NDST4: variants seen among roughly 807,000 people sequenced by gnomAD.
The protein encoded by NDST4 is N-deacetylase and N-sulfotransferase 4.
A neutral mutation model predicts 100.8 loss-of-function variants in NDST4; 63 were observed. The ratio of observed to expected loss-of-function variants is 0.62; its 90% CI spans 0.51 to 0.77. The LOEUF (loss-of-function observed/expected upper bound fraction) is 0.77, where lower values mean the gene tolerates loss of function less well. Ranked by LOEUF, NDST4 falls within the 30% of genes least tolerant of loss-of-function variation. The pLI is 0.00. For missense variants in NDST4, 943 were observed against 1,018.4 expected (o/e 0.93, Z 1.01); for synonymous variants, 377 against 361.8 (o/e 1.04, Z -0.48).
At chr4:114,955,466 G>A (rs536001289) in intron 4 of NDST4, among the ~76,000 whole-genome samples, 1 of 152,298 alleles carries the variant, frequency 6.6e-6, no homozygotes, top group South Asian at 2.1e-4. Flanking sequence ...AGGGCTTTGA[G>A]ACAAAATGTG....
rs1729197448 is a variant in NDST4, at chr4:115,076,852, G to A, written c.185C>T (p.Ser62Leu). The A allele has an allele frequency of 6.2e-7, 1 of 1,613,622 alleles. No individual in the cohort carries two copies. Among genetic ancestry groups the A allele is most frequent in the South Asian group, 1.1e-5 (1 of 91,046 alleles). ...CTDIKILPYR[S>L]MELKTVKPID... ...AGGTTTAACTGTTTTCAGCTCCATT[G>A]ACCTATATGGTAGAATTTTGATGTC... The change falls in exon 2 of 14, where the codon TCA (serine) becomes TTA (leucine). Residue 62 changes from serine (S) to leucine (L), a missense_variant. This residue lies in a region of NDST4 where 417 missense variants were observed against 384.2 expected (regional missense o/e 1.09). Transcript: ENST00000264363.
At position 114,937,536 on chromosome 4, in the gene NDST4, A is replaced by G. The variant is rs781445753; in HGVS notation, c.1222-33T>C. ...AAAGCCAGAACAACATCATGATGGG[A>G]CAAGGCCAATTAATTCAGTGAAAAT... On this transcript the variant is annotated intron_variant, in intron 4 of 13. Transcript: ENST00000264363. 1.1e-5 allele frequency: 17 copies of G among 1,488,088 alleles called. No individual in the cohort carries two copies. In the Admixed American group the frequency reaches 3.6e-4, roughly 32 times the overall value. The allele number at this position is 1,488,088 out of a possible 1,614,324, so 92.2% of individuals were successfully genotyped here.
intron 2 of NDST4, among the ~76,000 whole-genome samples, chr4:114,982,014 G>A (rs1286307488): frequency 6.6e-6 from 1 of 152,072 alleles, no homozygotes; most frequent in East Asian, 1.9e-4. Flanking sequence ...CAAAGTGTGT[G>A]GCACTTCCCC....
chr4:114,845,925 G>C lies in NDST4; in HGVS notation c.2013C>G (p.Phe671Leu), dbSNP rs1302959897. 6.2e-7 allele frequency: 1 copy of C among 1,613,986 alleles called. No individual in the cohort carries two copies. Among genetic ancestry groups the C allele is most frequent in the African/African-American group, 1.3e-5 (1 of 75,040 alleles). ...DFLFEKSANY[F>L]HSEEAPRRAA... is the part of the protein sequence containing the mutation. ...CTCGTCTTGGAGCTTCTTCCGAATG[G>C]AAGTAATTAGCACTCTTTTCAAACA... is the stretch of plus-strand genomic sequence containing the variant. The change falls in exon 10 of 14, where the codon TTC becomes TTG. Residue 671 changes from phenylalanine to leucine, a missense_variant. Coordinates refer to ENST00000264363, the MANE Select transcript of NDST4 (RefSeq NM_022569.3).
intron 2 of NDST4, among the ~76,000 whole-genome samples, chr4:115,052,189 A>G (rs1475966629): frequency 6.6e-6 from 1 of 152,176 alleles, no homozygotes; most frequent in Non-Finnish European, 1.5e-5. Context: ...ATTTACATAA[A>G]TTCAAACAGA....
At chr4:114,834,400 G>C (rs1025902417) in intron 11 of NDST4, among the ~76,000 whole-genome samples, 1 of 151,376 alleles carries the variant, frequency 6.6e-6, no homozygotes, top group Non-Finnish European at 1.5e-5. Context: ...TGTAGTCCCA[G>C]CTACATGGGA....
At chr4:114,900,354 CT>C (rs1392495088) in intron 6 of NDST4, among the ~76,000 whole-genome samples, 4 of 151,684 alleles carry the variant, frequency 2.6e-5, no homozygotes, top group Non-Finnish European at 4.4e-5. Context: ...TTTATTGTTT[CT>C]TTTGATTACT....
Position 115,111,060 on chromosome 4 carries a change from C to T in NDST4, c.-247+2384G>A, listed in dbSNP as rs1050702866. On this transcript the variant is annotated intron_variant, in intron 1 of 13. Transcript: ENST00000264363. ...TGAACACAGTATGCTAAATGCTTCT[C>T]TCTTCTCCCTTAGTAATTGCTTGTA... Among the ~76,000 whole-genome samples, 3 of 152,082 alleles carry T rather than the reference C, an allele frequency of 2.0e-5. No homozygotes were observed. The Middle Eastern group carries it at 0.01, about 517-fold the overall frequency.
intron 2 of NDST4, among the ~76,000 whole-genome samples, chr4:115,019,001 A>T (rs1008739572): frequency 6.6e-6 from 1 of 151,968 alleles, no homozygotes; most frequent in African/African-American, 2.4e-5. Context: ...CTACTTCTTT[A>T]TAGCTCTCTC....
At chr4:114,863,601 G>T (rs1723964500) in intron 7 of NDST4, among the ~76,000 whole-genome samples, 1 of 152,176 alleles carries the variant, frequency 6.6e-6, no homozygotes, top group Non-Finnish European at 1.5e-5. Context: ...AACTGCAACA[G>T]ATATTTACTG....
At chr4:115,036,820 C>G (rs1728242162) in intron 2 of NDST4, among the ~76,000 whole-genome samples, 1 of 151,808 alleles carries the variant, frequency 6.6e-6, no homozygotes, top group South Asian at 2.1e-4. Context: ...AATTTTCAAG[C>G]ATTACATTGA....
chr4:114,940,786 T>C (rs1389620299), intron 4 of NDST4, among the ~76,000 whole-genome samples: 1 of 152,146 alleles, frequency 6.6e-6, no homozygotes, highest in Non-Finnish European at 1.5e-5. Flanking sequence ...TTGTCCATGG[T>C]CGAACACTTC....
At chr4:114,834,439 A>AGGAG (rs1480964942) in intron 11 of NDST4, among the ~76,000 whole-genome samples, 1 of 148,880 alleles carries the variant, frequency 6.7e-6, no homozygotes, top group Admixed American at 6.8e-5. Flanking sequence ...GCTTGAACCC[A>AGGAG]GGAGGCCAAG....
chr4:115,002,748 A>G (rs1227534912), intron 2 of NDST4, among the ~76,000 whole-genome samples: 1 of 152,162 alleles, frequency 6.6e-6, no homozygotes, highest in Non-Finnish European at 1.5e-5. Flanking sequence ...AAAGGATTAT[A>G]AATCTTTCTA....
chr4:114,852,710 A>C lies in NDST4; in HGVS notation c.1816+15T>G, dbSNP rs978569328. On this transcript the variant is annotated intron_variant, in intron 8 of 13. Transcript: ENST00000264363. ...TTTTAAAAAGGATATAAGTAGCACAATTGGCTATTTTTACCTGTTTTTTGT... is the reference window on the plus strand; with the variant it reads ...TTTTAAAAAGGATATAAGTAGCACACTTGGCTATTTTTACCTGTTTTTTGT... 1.4e-6 allele frequency: 2 copies of C among 1,434,976 alleles called. No homozygotes were observed. Among genetic ancestry groups the C allele is most frequent in the Non-Finnish European group, 2.0e-6 (2 of 1,019,742 alleles). The allele number at this position is 1,434,976 out of a possible 1,614,324, so 88.9% of individuals were successfully genotyped here. A position where few individuals can be genotyped will look rare whatever the true frequency, so the allele number is the denominator to read the frequency against.
At chr4:114,906,523 T>C (rs1724952026) in intron 6 of NDST4, among the ~76,000 whole-genome samples, 1 of 151,932 alleles carries the variant, frequency 6.6e-6, no homozygotes, top group African/African-American at 2.4e-5. Context: ...GTCTCTCTAG[T>C]TCAGTTAATT....
chr4:114,856,990 C>T (rs969191744), intron 7 of NDST4, among the ~76,000 whole-genome samples: 2 of 152,114 alleles, frequency 1.3e-5, no homozygotes, highest in Non-Finnish European at 2.9e-5. Flanking sequence ...ATACAGATAG[C>T]TTCAAGTTTA....
intron 6 of NDST4, among the ~76,000 whole-genome samples, chr4:114,891,659 C>G (rs1299638747): frequency 1.3e-5 from 2 of 152,052 alleles, no homozygotes; most frequent in African/African-American, 4.8e-5. Context: ...GTCTCAACTT[C>G]CATCTTTGTT....
At chr4:115,059,433 G>C (rs931429661) in intron 2 of NDST4, among the ~76,000 whole-genome samples, 6 of 151,964 alleles carry the variant, frequency 3.9e-5, no homozygotes, top group Admixed American at 1.3e-4. Flanking sequence ...ACTATCCTTG[G>C]ATGTAATATT....
Sources: gnomAD v4.1 joint callset for allele counts (sites outside exome capture counted in the v4.1 genomes callset) on GRCh38, gnomAD v4.1.1 for gene constraint, gnomAD v4.1.1 regional missense constraint, MANE v1.5 for transcripts, NCBI Gene and HGNC (gene_info 2026-07-23, HGNC 2026-07-21) for gene names.